Variants in ZNF362 observed in about 807,000 individuals in gnomAD.
ZNF362 encodes zinc finger protein 362.
In ZNF362, 11 loss-of-function variants were observed where a neutral mutation model predicts 42.9. The ratio of observed to expected loss-of-function variants is 0.26; its 90% CI spans 0.16 to 0.42. The LOEUF (loss-of-function observed/expected upper bound fraction) is 0.42. ZNF362 is among the 20% of genes least tolerant of loss of function. The pLI is 1.00. For missense variants in ZNF362, 362 were observed against 576.2 expected (o/e 0.63, Z 3.81); for synonymous variants, 255 against 257.3 (o/e 0.99, Z 0.09).
the ZNF362 span, among the ~76,000 whole-genome samples, chr1:33,155,664 C>T: frequency 3.3e-5 from 5 of 152,264 alleles, no homozygotes; most frequent in Admixed American, 1.3e-4. Context: ...TCTGTGCCTC[C>T]GTTACTTATT....
chr1:33,275,006 T>C, intron 2 of ZNF362: 1 of 985,434 alleles, frequency 1.0e-6, no homozygotes. Context: ...AATAGGGGTT[T>C]CTCAAGCTCA....
chr1:33,186,569 G>A, the ZNF362 span, among the ~76,000 whole-genome samples: 2 of 150,524 alleles, frequency 1.3e-5, no homozygotes, highest in African/African-American at 2.4e-5. Flanking sequence ...ATTTTGGGAG[G>A]CTAAGGCAGG....
At chr1:33,165,320 C>T in the ZNF362 span, 12 of 642,764 alleles carry the variant, frequency 1.9e-5, no homozygotes, top group Non-Finnish European at 2.9e-5. The surrounding 1 kb of genome is among the most constrained non-coding windows in gnomAD (Gnocchi z 4.0). Context: ...CCCTCTTCCC[C>T]ACCCTGCCCT....
chr1:33,218,978 C>CACACACACACAT, the ZNF362 span, among the ~76,000 whole-genome samples: 5,349 of 134,220 alleles, frequency 0.04, 217 homozygotes, highest in East Asian at 0.07. Flanking sequence ...CACACACACA[C>CACACACACACAT]ACATACACCA....
chr1:33,200,570 A>G, the ZNF362 span, among the ~76,000 whole-genome samples: 8 of 152,248 alleles, frequency 5.3e-5, no homozygotes, highest in Non-Finnish European at 1.2e-4. Context: ...CACTTTAAAT[A>G]TAAGATACAA....
chr1:33,146,509 G>A, the ZNF362 span: 1 of 157,660 alleles, frequency 6.3e-6, no homozygotes, highest in Non-Finnish European at 1.4e-5. Flanking sequence ...CCTGTCCCTC[G>A]GCCTGTGGGC....
At chr1:33,173,268 T>A in the ZNF362 span, among the ~76,000 whole-genome samples, 1 of 152,116 alleles carries the variant, frequency 6.6e-6, no homozygotes, top group Non-Finnish European at 1.5e-5. Context: ...TCCCACCAGC[T>A]CCCCTGGCAC....
At chr1:33,242,735 T>C in the ZNF362 span, among the ~76,000 whole-genome samples, 1 of 152,178 alleles carries the variant, frequency 6.6e-6, no homozygotes, top group Non-Finnish European at 1.5e-5. Context: ...AAGGTGTAAA[T>C]ATCTCATTTT....
chr1:33,234,165 A>G, the ZNF362 span, among the ~76,000 whole-genome samples: 1 of 152,190 alleles, frequency 6.6e-6, no homozygotes. Flanking sequence ...GATGTGGCCT[A>G]AAGTCAAATA....
the ZNF362 span, among the ~76,000 whole-genome samples, chr1:33,229,123 G>A: frequency 6.6e-6 from 1 of 151,850 alleles, no homozygotes; most frequent in African/African-American, 2.4e-5. Context: ...GTGGGGGTGG[G>A]GTTCCCTGAC....
At position 33,281,944 on chromosome 1, in the gene ZNF362, G is replaced by A. The variant is rs1181978463; in HGVS notation, c.908+133G>A. ...TTGCCCTCGGGGTCACGGCCCTTGTGGACCTCACTGGCCTCAGCTGTTGTT... is the reference window on the plus strand; with the variant it reads ...TTGCCCTCGGGGTCACGGCCCTTGTAGACCTCACTGGCCTCAGCTGTTGTT... On this transcript the variant is annotated intron_variant, in intron 6 of 8. Coordinates refer to ENST00000539719, the MANE Select transcript of ZNF362 (RefSeq NM_152493.3). The surrounding 1 kb of genome is among the most constrained non-coding windows in gnomAD (Gnocchi z 4.8). The A allele has an allele frequency of 1.2e-5, 10 of 819,420 alleles. No individual in the cohort carries two copies. The highest frequency in any genetic ancestry group is 8.1e-5 in the South Asian group (5 of 61,642). The allele number at this position is 819,420 out of a possible 1,614,324, so 50.8% of individuals were successfully genotyped here.
intron 2 of ZNF362, among the ~76,000 whole-genome samples, chr1:33,271,581 G>A (rs1645904581): frequency 6.6e-6 from 1 of 152,216 alleles, no homozygotes; most frequent in Non-Finnish European, 1.5e-5. Context: ...CCACAGTCCT[G>A]GTGAGGCGAC....
At chr1:33,296,921 C>T (rs371098819) in intron 8 of ZNF362, among the ~76,000 whole-genome samples, 43 of 150,712 alleles carry the variant, frequency 2.9e-4, no homozygotes, top group African/African-American at 1.0e-3. Flanking sequence ...CCTCCTGCTT[C>T]AACCTCCAGA....
chr1:33,253,294 T>C (rs903785616), upstream of ZNF362, among the ~76,000 whole-genome samples: 3 of 148,978 alleles, frequency 2.0e-5, no homozygotes, highest in Non-Finnish European at 4.4e-5. Flanking sequence ...TCTCCATCCC[T>C]AGCTTCCTGC....
chr1:33,218,711 A>T, the ZNF362 span, among the ~76,000 whole-genome samples: 3 of 151,942 alleles, frequency 2.0e-5, no homozygotes, highest in South Asian at 6.2e-4. Flanking sequence ...GTTGGATTAA[A>T]TTTGTTTGTT....
chr1:33,145,158 C>G, the ZNF362 span, among the ~76,000 whole-genome samples: 28,710 of 152,210 alleles, frequency 0.19, 3,154 homozygotes, highest in South Asian at 0.29. Flanking sequence ...TAAAGACTGA[C>G]AGCCTTCCCT....
At chr1:33,217,607 G>T in the ZNF362 span, among the ~76,000 whole-genome samples, 1 of 152,080 alleles carries the variant, frequency 6.6e-6, no homozygotes, top group African/African-American at 2.4e-5. Flanking sequence ...TCTTTCTTCA[G>T]AATGAAAACA....
chr1:33,145,543 G>A, the ZNF362 span: 17 of 173,626 alleles, frequency 9.8e-5, no homozygotes, highest in South Asian at 2.1e-3. Context: ...TTGCCCAAGG[G>A]AGGCCCGGGT....
chr1:33,199,047 T>A, the ZNF362 span, among the ~76,000 whole-genome samples: 1 of 152,136 alleles, frequency 6.6e-6, no homozygotes, highest in East Asian at 1.9e-4. Context: ...TGGGATAATT[T>A]AAAGCAGCCT....
Sources: allele counts gnomAD v4.1 joint callset (sites outside exome capture counted in the v4.1 genomes callset), GRCh38; gene constraint gnomAD v4.1.1; non-coding constraint Gnocchi (gnomAD v3.1); transcripts MANE v1.5; gene names NCBI Gene and HGNC (gene_info 2026-07-23, HGNC 2026-07-21).